The following OTOGL variants were observed in gnomAD, a reference collection of about 807,000 sequenced individuals.
The protein encoded by OTOGL is otogelin like, also known as otogelin-like protein.
A neutral mutation model predicts 318.5 loss-of-function variants in OTOGL; 285 were observed. That is an observed-to-expected ratio of 0.89 (90% CI 0.81 to 0.99). OTOGL has a LOEUF of 0.99. Among genes scored for constraint, OTOGL ranks in the 50% least tolerant of loss-of-function variants. The pLI, the probability that OTOGL is intolerant of heterozygous loss-of-function variation, is 0.00. For missense variants in OTOGL, 2,899 were observed against 2,845.6 expected, an observed-to-expected ratio of 1.02 and a Z score of -0.43; for synonymous variants, 987 against 936.5, an observed-to-expected ratio of 1.05 and a Z score of -0.99.
At chr12:80,229,172 T>C in intron 7 of OTOGL, 85 bp from the exon 8 acceptor site, 1 of 1,442,164 alleles carries the variant, frequency 6.9e-7, no homozygotes, top group East Asian at 2.3e-5. Context: ...AATGAAACTA[T>C]ATGATTGTAA....
intron 1 of OTOGL, among the ~76,000 whole-genome samples, chr12:80,132,981 T>C (rs1871331076): frequency 6.6e-6 from 1 of 152,220 alleles, no homozygotes; most frequent in Non-Finnish European, 1.5e-5. Flanking sequence ...GCATCTCTCC[T>C]GTTACTTTTG....
intron 1 of OTOGL, among the ~76,000 whole-genome samples, chr12:80,174,277 G>C (rs1044195831): frequency 6.6e-6 from 1 of 152,100 alleles, no homozygotes; most frequent in Non-Finnish European, 1.5e-5. Flanking sequence ...TAAATTACAG[G>C]AAAGAAACCT....
intron 37 of OTOGL, 92 bp downstream of exon 37, chr12:80,329,211 C>A: frequency 1.0e-6 from 1 of 968,232 alleles, no homozygotes; most frequent in South Asian, 2.2e-5. Flanking sequence ...TAGCTGCTAT[C>A]ATTAATACTA....
In OTOGL at chr12:80,256,381, G is replaced by A. The variant is rs372479620; in HGVS notation, c.1632G>A (p.Glu544=). ...VCLQSITLIL[E]DDFNKQVTLG... ...TTCAGTCTATAACTCTGATTCTGGA[G>A]GATGATTTTAACAAACAAGTGACCC... Residue 544 remains glutamate, a synonymous_variant, in exon 17 of 59, where the codon GAG becomes GAA. Coordinates refer to ENST00000547103, the MANE Select transcript of OTOGL (RefSeq NM_001378609.3). The A allele has an allele frequency of 6.3e-7, 1 of 1,595,578 alleles. No homozygotes were observed. The highest frequency in any genetic ancestry group is 1.3e-5 in the African/African-American group (1 of 74,736).
intron 11 of OTOGL, among the ~76,000 whole-genome samples, chr12:80,242,531 T>C (rs1271029393): frequency 1.3e-5 from 2 of 152,162 alleles, no homozygotes; most frequent in African/African-American, 4.8e-5. Flanking sequence ...AAATGAGTGA[T>C]TCTCTTCATT....
chr12:80,344,497 G>A (rs1344990672), intron 44 of OTOGL, among the ~76,000 whole-genome samples: 2 of 152,094 alleles, frequency 1.3e-5, no homozygotes, highest in African/African-American at 2.4e-5. Context: ...AGCCGAGATC[G>A]CGCCATTGCA....
intron 49 of OTOGL, among the ~76,000 whole-genome samples, chr12:80,357,656 T>C (rs981233913): frequency 3.3e-5 from 5 of 152,178 alleles, no homozygotes; most frequent in African/African-American, 1.2e-4. Context: ...AAGTCACTAA[T>C]GATTGAGCCA....
At chr12:80,351,429 C>T (rs1889543489) in intron 44 of OTOGL, among the ~76,000 whole-genome samples, 1 of 152,078 alleles carries the variant, frequency 6.6e-6, no homozygotes, top group Non-Finnish European at 1.5e-5. Context: ...GATTCTCCTG[C>T]CTCAGCCTCT....
intron 1 of OTOGL, among the ~76,000 whole-genome samples, chr12:80,201,089 G>T (rs1876420649): frequency 6.6e-6 from 1 of 152,202 alleles, no homozygotes; most frequent in South Asian, 2.1e-4. Context: ...TTTCCCAGAG[G>T]TAGTAGCCCT....
chr12:80,190,578 G>C (rs536880741), intron 1 of OTOGL, among the ~76,000 whole-genome samples: 2 of 151,760 alleles, frequency 1.3e-5, no homozygotes, highest in Non-Finnish European at 2.9e-5. Context: ...ACGAGGTCAG[G>C]AGATCGAGAC....
intron 28 of OTOGL, among the ~76,000 whole-genome samples, chr12:80,303,127 T>C (rs553183121): frequency 3.3e-5 from 5 of 152,340 alleles, no homozygotes; most frequent in African/African-American, 1.2e-4. Flanking sequence ...TGGATATATA[T>C]ATTTTTAAGT....
chr12:80,143,652 T>C (rs779430221), intron 1 of OTOGL, among the ~76,000 whole-genome samples: 1 of 152,042 alleles, frequency 6.6e-6, no homozygotes, highest in Non-Finnish European at 1.5e-5. Flanking sequence ...AAGTCAGAGG[T>C]TCATTTCAGA....
chr12:80,115,405 G>A (rs1007255178), intron 1 of OTOGL, among the ~76,000 whole-genome samples: 1 of 152,136 alleles, frequency 6.6e-6, no homozygotes. Flanking sequence ...GACCCTGTTT[G>A]CCTGGGTATC....
At chr12:80,324,313 T>C (rs1887543551) in intron 35 of OTOGL, among the ~76,000 whole-genome samples, 1 of 152,288 alleles carries the variant, frequency 6.6e-6, no homozygotes, top group South Asian at 2.1e-4. Flanking sequence ...ACTGGCCAGG[T>C]GGATATCTGG....
chr12:80,368,362 T>G (rs1436814498), intron 55 of OTOGL, 53 bp downstream of exon 55: 3 of 1,414,254 alleles, frequency 2.1e-6, no homozygotes. Flanking sequence ...GAGGAGTTCT[T>G]GAGTCAAAGT....
At chr12:80,200,641 T>C (rs1418821630) in intron 1 of OTOGL, among the ~76,000 whole-genome samples, 2 of 152,214 alleles carry the variant, frequency 1.3e-5, no homozygotes, top group Non-Finnish European at 2.9e-5. Context: ...GCTTCGTCTA[T>C]TGGATTGAGG....
chr12:80,357,619 A>G (rs1006103319), intron 49 of OTOGL, among the ~76,000 whole-genome samples: 1 of 152,182 alleles, frequency 6.6e-6, no homozygotes, highest in Non-Finnish European at 1.5e-5. Flanking sequence ...AGCCCTAGGA[A>G]GAAGAGAAAC....
intron 1 of OTOGL, among the ~76,000 whole-genome samples, chr12:80,185,915 A>G (rs1247261372): frequency 6.6e-6 from 1 of 152,202 alleles, no homozygotes; most frequent in Non-Finnish European, 1.5e-5. Context: ...ATATAAAAAT[A>G]TTAGAAAAAA....
intron 35 of OTOGL, among the ~76,000 whole-genome samples, chr12:80,325,630 A>G (rs1460663575): frequency 6.6e-6 from 1 of 152,166 alleles, no homozygotes; most frequent in Non-Finnish European, 1.5e-5. Flanking sequence ...AATAAAAACA[A>G]TCACTCATTT....
Sources: gnomAD v4.1 joint callset for allele counts (sites outside exome capture counted in the v4.1 genomes callset) on GRCh38, gnomAD v4.1.1 for gene constraint, MANE v1.5 for transcripts, NCBI Gene and HGNC (gene_info 2026-07-23, HGNC 2026-07-21) for gene names.